TNRC6B: variants seen among roughly 807,000 people sequenced by gnomAD.
TNRC6B encodes trinucleotide repeat containing adaptor 6B.
A neutral mutation model predicts 203.6 loss-of-function variants in TNRC6B; 52 were observed. That is an observed-to-expected ratio of 0.26 (90% confidence interval 0.20 to 0.32). The LOEUF is 0.32. Among genes scored for constraint, TNRC6B ranks in the 10% least tolerant of loss-of-function variants. The pLI is 1.00. For synonymous variants in TNRC6B, 838 were observed against 845.7 expected, an observed-to-expected ratio of 0.99 and a Z score of 0.16; for missense variants, 1,923 against 2,286.2, an observed-to-expected ratio of 0.84 and a Z score of 3.24.
intron 1 of TNRC6B, among the ~76,000 whole-genome samples, chr22:40,218,061 A>T (rs2069658705): frequency 6.6e-6 from 1 of 151,962 alleles, no homozygotes; most frequent in Admixed American, 6.6e-5. Context: ...GTCTCAGTGA[A>T]TTCTACTGTG....
At chr22:40,189,506 A>G (rs2146391669) in intron 1 of TNRC6B, among the ~76,000 whole-genome samples, 2 of 151,498 alleles carry the variant, frequency 1.3e-5, no homozygotes, top group Admixed American at 1.3e-4. Context: ...CCCAAAAAAA[A>G]AAAAAAAAAG....
intron 1 of TNRC6B, among the ~76,000 whole-genome samples, chr22:40,061,098 C>G (rs1296459016): frequency 6.6e-6 from 1 of 152,140 alleles, no homozygotes; most frequent in Non-Finnish European, 1.5e-5. Context: ...TTTTGGTACA[C>G]TTTGTATAAC....
intron 1 of TNRC6B, among the ~76,000 whole-genome samples, chr22:40,185,240 C>T (rs140445182): frequency 7.9e-5 from 12 of 152,260 alleles, no homozygotes; most frequent in East Asian, 3.9e-4. Flanking sequence ...CCACCCACCT[C>T]GGCCTCCCAA....
At position 40,277,176 on chromosome 22, in the gene TNRC6B, A is replaced by G. The variant is rs375293133; in HGVS notation, c.3216+25A>G. Reference sequence around the variant, plus strand: ...GGTAAGTTTTATTTTTTTCAAATGTATAACGTATCCCAACTTTTAGGTTTA... The same window carrying G: ...GGTAAGTTTTATTTTTTTCAAATGTGTAACGTATCCCAACTTTTAGGTTTA... On this transcript the variant is annotated intron_variant, in intron 8 of 22. Transcript: ENST00000454349. 9.6e-6 allele frequency: 15 copies of G among 1,569,314 alleles called. 1 individual carries two copies. Among genetic ancestry groups the G allele is most frequent in the South Asian group, 2.3e-5 (2 of 85,308 alleles).
At position 40,147,334 on chromosome 22, in the gene TNRC6B, T is replaced by A. The variant is rs540290370; in HGVS notation, c.46-8781T>A. 3.3e-5 allele frequency among the ~76,000 whole-genome samples: 5 copies of A among 151,682 alleles called. No homozygotes were observed. In the South Asian group the frequency reaches 8.3e-4, roughly 25 times the overall value. On this transcript the variant is annotated intron_variant, in intron 3 of 23. Transcript: ENST00000301923. Reference sequence around the variant, plus strand: ...GAGTTACTGTTTAAGGGGTACAGAGTTTCAGATGGAAAAGATGGAAGAATT... The same window carrying A: ...GAGTTACTGTTTAAGGGGTACAGAGATTCAGATGGAAAAGATGGAAGAATT...
At chr22:40,275,442 G>GT (rs950841936) in intron 7 of TNRC6B, among the ~76,000 whole-genome samples, 9 of 151,826 alleles carry the variant, frequency 5.9e-5, no homozygotes, top group South Asian at 2.1e-4. Flanking sequence ...TACCGAGGGC[G>GT]TTTTTTTTAA....
intron 1 of TNRC6B, among the ~76,000 whole-genome samples, chr22:40,182,609 A>G (rs751993770): frequency 1.3e-5 from 2 of 152,246 alleles, no homozygotes; most frequent in Non-Finnish European, 2.9e-5. Flanking sequence ...TGGGGCATCT[A>G]AGAATTAATT....
At chr22:40,071,292 C>T (rs2067945095) in intron 1 of TNRC6B, among the ~76,000 whole-genome samples, 1 of 152,162 alleles carries the variant, frequency 6.6e-6, no homozygotes, top group African/African-American at 2.4e-5. Context: ...TATGAAGGAT[C>T]TCATAGTTCC....
In TNRC6B at chr22:40,297,286, G is replaced by A. The variant is rs1237945330; in HGVS notation, c.3709-3169G>A. On this transcript the variant is annotated intron_variant, in intron 12 of 22. Transcript: ENST00000454349. ...GCTGATCGTTTCATATTGAAAGGAA[G>A]CTTTAGCGGCATATGACTAGATTAT... Among the ~76,000 whole-genome samples the A allele has an allele frequency of 2.0e-5, 3 of 152,170 alleles. No individual in the cohort carries two copies. The East Asian group carries it at 5.8e-4, about 29-fold the overall frequency.
chr22:40,167,870 C>G (rs2068934611), intron 4 of TNRC6B, among the ~76,000 whole-genome samples: 1 of 151,832 alleles, frequency 6.6e-6, no homozygotes, highest in Admixed American at 6.6e-5. Context: ...ACCTTGTCTC[C>G]AAAAACAAAA....
At position 40,328,668 on chromosome 22, in the gene TNRC6B, G is replaced by A. The variant is rs2071430527; in HGVS notation, c.*5427G>A. The A allele has an allele frequency of 6.6e-6, 1 of 152,078 alleles. No homozygotes were observed. Among genetic ancestry groups the A allele is most frequent in the Non-Finnish European group, 1.5e-5 (1 of 68,016 alleles). 9.4% of individuals were successfully genotyped at this position (152,078 alleles called of 1,614,324 possible). On this transcript the variant is annotated 3_prime_UTR_variant, in exon 23 of 23. Transcript: ENST00000454349. The stretch of plus-strand genomic sequence containing the variant: ...CTCTTCTCTAAAACAGAATGAAAAT[G>A]TCTGCATGCTGAGCAAAATGCTTAC...
rs1310866495 is a variant in TNRC6B at position 40,329,770 on chromosome 22, CTT to C, written c.*6530_*6531del. 6.6e-6 allele frequency: 1 copy of C among 152,322 alleles called. No homozygotes were observed. The highest frequency in any genetic ancestry group is 2.4e-5 in the African/African-American group (1 of 41,572). The allele number at this position is 152,322 out of a possible 1,614,324, so 9.4% of individuals were successfully genotyped here. ...TGAGTAGTTTTTAAGCTGTCAGTCTCTTGTCATAACCTCCTACCGCCACCCAA... is the reference window on the plus strand; with the variant it reads ...TGAGTAGTTTTTAAGCTGTCAGTCTCGTCATAACCTCCTACCGCCACCCAA... On this transcript the variant is annotated 3_prime_UTR_variant, in exon 23 of 23. Coordinates refer to ENST00000454349, the MANE Select transcript of TNRC6B (RefSeq NM_001162501.2).
chr22:40,074,244 A>AC (rs1453170320), intron 1 of TNRC6B, among the ~76,000 whole-genome samples: 5 of 151,586 alleles, frequency 3.3e-5, no homozygotes. Context: ...TCAAAAAAAA[A>AC]AAAAAAAAGA....
rs557342112 is a variant in TNRC6B, at chr22:40,138,704, C to T, written c.45+12842C>T. ...CAAGATACGTATTAGGAGTTCTCAG[C>T]ATATAGGAATAGATGGGGCTGGGAG... On this transcript the variant is annotated intron_variant, in intron 3 of 23. Transcript: ENST00000301923. 5.3e-5 allele frequency among the ~76,000 whole-genome samples: 8 copies of T among 152,140 alleles called. No individual in the cohort carries two copies. The South Asian group carries it at 1.5e-3, about 28-fold the overall frequency.
intron 15 of TNRC6B, among the ~76,000 whole-genome samples, chr22:40,305,164 C>T (rs995576006): frequency 1.3e-5 from 2 of 152,130 alleles, no homozygotes; most frequent in Admixed American, 6.5e-5. Context: ...CTAGCAAAGA[C>T]GCATGAGGCA....
At chr22:40,089,359 G>A (rs1752391037) in intron 1 of TNRC6B, among the ~76,000 whole-genome samples, 1 of 151,652 alleles carries the variant, frequency 6.6e-6, no homozygotes, top group East Asian at 1.9e-4. Flanking sequence ...CAGCCTCCCC[G>A]GTAGCTGGGA....
intron 4 of TNRC6B, among the ~76,000 whole-genome samples, chr22:40,161,315 G>T (rs1303182134): frequency 6.6e-6 from 1 of 152,134 alleles, no homozygotes; most frequent in Non-Finnish European, 1.5e-5. Flanking sequence ...TTTTCCAAAT[G>T]GTTCTCATTC....
rs377520755 is a variant in TNRC6B, at chr22:40,077,016, AAAG to A, written c.-121+32023_-121+32025del. ...CTCTAAGAAAAGAAAAGAGAAAAGA[AAAG>A]AAGAGAAAAAAAGAAAAAAGAAAAG... On this transcript the variant is annotated intron_variant, in intron 1 of 23. Coordinates refer to the TNRC6B transcript ENST00000301923. Among the ~76,000 whole-genome samples, 395 of 152,046 alleles carry A rather than the reference AAAG, an allele frequency of 2.6e-3. 1 individual carries two copies. Among genetic ancestry groups the A allele is most frequent in the African/African-American group, 8.7e-3 (361 of 41,440 alleles).
chr22:40,327,178 G>A lies in TNRC6B; in HGVS notation c.*3937G>A, dbSNP rs191469987. On this transcript the variant is annotated 3_prime_UTR_variant, in exon 23 of 23. Coordinates refer to ENST00000454349, the MANE Select transcript of TNRC6B (RefSeq NM_001162501.2). ...TGCTGCCTGCAATTTCTCTAAAACCGCTTTAGTGCCTTCGTACATACACCC... is the reference window on the plus strand; with the variant it reads ...TGCTGCCTGCAATTTCTCTAAAACCACTTTAGTGCCTTCGTACATACACCC... 1.4e-3 allele frequency: 211 copies of A among 153,118 alleles called. No homozygotes were observed. Among genetic ancestry groups the A allele is most frequent in the East Asian group, 8.9e-3 (46 of 5,188 alleles). 9.5% of individuals were successfully genotyped at this position (153,118 alleles called of 1,614,324 possible). A position where few individuals can be genotyped will look rare whatever the true frequency, so the allele number is the denominator to read the frequency against.
Sources: gnomAD v4.1 joint callset for allele counts (sites outside exome capture counted in the v4.1 genomes callset) on GRCh38, gnomAD v4.1.1 for gene constraint, MANE v1.5 for transcripts, NCBI Gene and HGNC (gene_info 2026-07-23, HGNC 2026-07-21) for gene names.